The following ANKS1B variants were observed in gnomAD, a reference collection of about 807,000 sequenced individuals.
ANKS1B encodes ankyrin repeat and sterile alpha motif domain-containing protein 1B.
ANKS1B carries 36 observed loss-of-function variants against 148.3 expected under a neutral mutation model. That is an observed-to-expected ratio of 0.24 (90% CI 0.19 to 0.32). ANKS1B has a LOEUF of 0.32. ANKS1B is among the 10% of genes least tolerant of loss of function. The pLI, the probability that ANKS1B is intolerant of heterozygous loss-of-function variation, is 1.00. For missense variants in ANKS1B, 1,157 were observed against 1,542.6 expected, an observed-to-expected ratio of 0.75 and a Z score of 4.19; for synonymous variants, 542 against 560.8, an observed-to-expected ratio of 0.97 and a Z score of 0.47.
rs374707208 is a variant in ANKS1B at position 99,012,964 on chromosome 12, T to C, written c.2778+40193A>G. 7.9e-5 allele frequency among the ~76,000 whole-genome samples: 12 copies of C among 152,320 alleles called. No individual in the cohort carries two copies. In the South Asian group the frequency reaches 2.3e-3, roughly 29 times the overall value. Reference sequence around the variant, plus strand: ...ATGAATTCTTCTGGTAGAACTTTGTTTAGACGGACTTAAAGCAGGTAAGAG... The same window carrying C: ...ATGAATTCTTCTGGTAGAACTTTGTCTAGACGGACTTAAAGCAGGTAAGAG... On this transcript the variant is annotated intron_variant, in intron 17 of 26. Transcript: ENST00000683438.
At chr12:99,903,442 T>C (rs919951725) in intron 1 of ANKS1B, among the ~76,000 whole-genome samples, 4 of 152,156 alleles carry the variant, frequency 2.6e-5, no homozygotes, top group African/African-American at 7.2e-5. Context: ...TTCCTACTTC[T>C]AGGAGAAATG....
At chr12:99,351,868 T>A (rs1434139832) in intron 12 of ANKS1B, 3 of 152,128 alleles carry the variant, frequency 2.0e-5, no homozygotes, top group Non-Finnish European at 4.4e-5. Context: ...TGAGGTTTCC[T>A]GCTTAAGCAA....
chr12:99,722,245 C>G (rs2058157076), intron 8 of ANKS1B, among the ~76,000 whole-genome samples: 1 of 152,200 alleles, frequency 6.6e-6, no homozygotes, highest in Non-Finnish European at 1.5e-5. Flanking sequence ...GATGAAACAG[C>G]CTTCTATTGG....
At chr12:99,211,513 G>A (rs767453747) in intron 14 of ANKS1B, among the ~76,000 whole-genome samples, 1 of 152,152 alleles carries the variant, frequency 6.6e-6, no homozygotes, top group Non-Finnish European at 1.5e-5. Context: ...CTTAGCTCAT[G>A]GGAACACTGA....
At chr12:98,886,508 C>T (rs2099740410) in intron 17 of ANKS1B, among the ~76,000 whole-genome samples, 1 of 152,032 alleles carries the variant, frequency 6.6e-6, no homozygotes, top group Non-Finnish European at 1.5e-5. Context: ...GAAAGATGAT[C>T]CAAAATAAGG....
intron 10 of ANKS1B, among the ~76,000 whole-genome samples, chr12:99,448,831 G>A (rs527758259): frequency 1.3e-5 from 2 of 152,098 alleles, no homozygotes; most frequent in Admixed American, 1.3e-4. Flanking sequence ...GCAGAAAAGG[G>A]ACAGACTATA....
At chr12:99,609,409 G>A (rs1338521220) in intron 9 of ANKS1B, among the ~76,000 whole-genome samples, 1 of 151,902 alleles carries the variant, frequency 6.6e-6, no homozygotes. Context: ...TCAAGAGGGT[G>A]CGAAAAGGTA....
intron 1 of ANKS1B, among the ~76,000 whole-genome samples, chr12:99,979,620 A>G (rs535388526): frequency 7.2e-5 from 11 of 152,240 alleles, no homozygotes; most frequent in African/African-American, 2.6e-4. Context: ...GGTAGAAGGA[A>G]TTTTTGCCAA....
At chr12:99,728,424 G>A (rs2372901) in intron 8 of ANKS1B, among the ~76,000 whole-genome samples, 29,665 of 152,132 alleles carry the variant, frequency 0.19, 3,463 homozygotes, top group East Asian at 0.51. Flanking sequence ...ACTACAGTGA[G>A]ATACTGTCTC....
At chr12:99,823,257 C>A (rs1293938898) in intron 2 of ANKS1B, among the ~76,000 whole-genome samples, 1 of 152,070 alleles carries the variant, frequency 6.6e-6, no homozygotes, top group African/African-American at 2.4e-5. Context: ...TTGATAGTTT[C>A]TCTTGCTGTG....
chr12:99,572,539 T>C (rs1242940203), intron 9 of ANKS1B, among the ~76,000 whole-genome samples: 1 of 152,076 alleles, frequency 6.6e-6, no homozygotes, highest in Non-Finnish European at 1.5e-5. Flanking sequence ...AATTCAACAG[T>C]TACAGTCTAG....
chr12:99,665,381 T>C (rs961961738), intron 8 of ANKS1B, among the ~76,000 whole-genome samples: 3 of 152,236 alleles, frequency 2.0e-5, no homozygotes, highest in African/African-American at 7.2e-5. Flanking sequence ...AATATACATT[T>C]CTGCCAGTGC....
At chr12:99,047,059 A>G (rs2099962967) in intron 17 of ANKS1B, among the ~76,000 whole-genome samples, 2 of 152,168 alleles carry the variant, frequency 1.3e-5, no homozygotes, top group Admixed American at 6.5e-5. Flanking sequence ...CCTAATACTG[A>G]TGTATTTGGG....
At chr12:99,041,862 G>C (rs1468065097) in intron 17 of ANKS1B, among the ~76,000 whole-genome samples, 1 of 151,962 alleles carries the variant, frequency 6.6e-6, no homozygotes, top group Non-Finnish European at 1.5e-5. Flanking sequence ...AATTAGTCAG[G>C]TGTGGTGGTG....
At chr12:99,370,188 C>T (rs1158813218) in intron 12 of ANKS1B, among the ~76,000 whole-genome samples, 1 of 151,844 alleles carries the variant, frequency 6.6e-6, no homozygotes, top group African/African-American at 2.4e-5. Context: ...CTTCTAGGGC[C>T]AAAAAGGCAC....
intron 8 of ANKS1B, among the ~76,000 whole-genome samples, chr12:99,683,493 G>A (rs141976376): frequency 9.9e-5 from 15 of 151,434 alleles, no homozygotes; most frequent in African/African-American, 2.9e-4. Context: ...ATAACAAATC[G>A]CAAACAAAAG....
intron 1 of ANKS1B, among the ~76,000 whole-genome samples, chr12:99,860,269 G>A (rs1200840120): frequency 3.3e-5 from 5 of 152,170 alleles, no homozygotes; most frequent in African/African-American, 1.2e-4. Context: ...GAGATCTTGA[G>A]TGGTGTCCTA....
chr12:98,744,076 A>T lies in ANKS1B; in HGVS notation c.*1663T>A. On this transcript the variant is annotated 3_prime_UTR_variant, in exon 27 of 27. Coordinates refer to ENST00000683438, the MANE Select transcript of ANKS1B (RefSeq NM_001352186.2). ...ACTGGAAGCCCAAGCTTATTTACAC[A>T]TATGCTTCTGTTTCAGCAAAGCTCC... is the stretch of plus-strand genomic sequence containing the variant. The T allele has an allele frequency of 1.0e-6, 1 of 984,242 alleles. No individual in the cohort carries two copies. 61.0% of individuals were successfully genotyped at this position (984,242 alleles called of 1,614,324 possible).
chr12:99,800,789 TTACA>T (rs1263866823), intron 4 of ANKS1B, among the ~76,000 whole-genome samples: 1 of 152,096 alleles, frequency 6.6e-6, no homozygotes. Flanking sequence ...CAGTAGGGAA[TTACA>T]TACACAAATT....
Sources: gnomAD v4.1 joint callset for allele counts (sites outside exome capture counted in the v4.1 genomes callset) on GRCh38, gnomAD v4.1.1 for gene constraint, MANE v1.5 for transcripts, NCBI Gene and HGNC (gene_info 2026-07-23, HGNC 2026-07-21) for gene names.